Variants in DAB1 observed in about 807,000 individuals in gnomAD.
DAB1 encodes DAB adaptor protein 1, also known as disabled homolog 1.
In DAB1, 15 loss-of-function variants were observed where a neutral mutation model predicts 64.6. The observed-to-expected ratio is 0.23, with a 90% CI of 0.16 to 0.36. The LOEUF (loss-of-function observed/expected upper bound fraction) is 0.36, where lower values mean the gene tolerates loss of function less well. DAB1 is among the 10% of genes least tolerant of loss of function. The pLI is 1.00. For missense variants in DAB1, 596 were observed against 706.7 expected (o/e 0.84, Z 1.78); for synonymous variants, 235 against 251.9 (o/e 0.93, Z 0.64).
chr1:57,262,324 T>A (rs1670242821), intron 2 of DAB1, among the ~76,000 whole-genome samples: 1 of 152,326 alleles, frequency 6.6e-6, no homozygotes, highest in Admixed American at 6.5e-5. Flanking sequence ...TCAACTCCAA[T>A]CATTAGGCAA....
chr1:58,049,341 C>T (rs1313655352), intron 5 of DAB1: 19 of 629,678 alleles, frequency 3.0e-5, no homozygotes, highest in Middle Eastern at 4.6e-4. Context: ...GCGGCATCCA[C>T]GGGCAGAAAG....
chr1:57,709,681 G>A (rs964594747), intron 6 of DAB1, among the ~76,000 whole-genome samples: 1 of 152,156 alleles, frequency 6.6e-6, no homozygotes, highest in Non-Finnish European at 1.5e-5. Flanking sequence ...TTATAGATGA[G>A]CTTGAGGAGG....
intron 9 of DAB1, among the ~76,000 whole-genome samples, chr1:57,031,446 G>GTA (rs1646964203): frequency 6.6e-6 from 1 of 152,150 alleles, no homozygotes; most frequent in African/African-American, 2.4e-5. Flanking sequence ...ACACTTTATA[G>GTA]TTTGCAATAC....
chr1:57,410,780 A>C (rs1313162585), intron 1 of DAB1, among the ~76,000 whole-genome samples: 1 of 152,226 alleles, frequency 6.6e-6, no homozygotes. Flanking sequence ...CAGGTTAACC[A>C]AGTGGTTGTC....
At chr1:57,177,412 C>T (rs1662446894) in intron 2 of DAB1, among the ~76,000 whole-genome samples, 1 of 152,030 alleles carries the variant, frequency 6.6e-6, no homozygotes, top group South Asian at 2.1e-4. Flanking sequence ...TTTCCAGGCT[C>T]CAACCTGAGA....
chr1:57,426,874 A>ATATATATATATTTTTT (rs57970737), upstream of DAB1, among the ~76,000 whole-genome samples: 1 of 149,184 alleles, frequency 6.7e-6, no homozygotes, highest in African/African-American at 2.5e-5. Context: ...ATATATATAT[A>ATATATATATATTTTTT]TTTTTTTGAG....
chr1:57,837,235 C>T (rs181808986), intron 1 of DAB1, among the ~76,000 whole-genome samples: 172 of 152,314 alleles, frequency 1.1e-3, no homozygotes, highest in East Asian at 4.8e-3. Context: ...GTGACACTTT[C>T]CTATTCTTAA....
At chr1:57,129,020 G>A (rs1345605836) in intron 4 of DAB1, among the ~76,000 whole-genome samples, 2 of 152,170 alleles carry the variant, frequency 1.3e-5, no homozygotes, top group African/African-American at 4.8e-5. Context: ...CTAATGGGAG[G>A]AGTGGCTTCT....
intron 4 of DAB1, among the ~76,000 whole-genome samples, chr1:57,088,676 C>G (rs565988834): frequency 6.6e-4 from 100 of 152,294 alleles, no homozygotes; most frequent in African/African-American, 2.3e-3. Context: ...CTCACTATTT[C>G]CCCTCCCACT....
chr1:57,053,688 A>T (rs200898422), intron 9 of DAB1, among the ~76,000 whole-genome samples: 5,119 of 71,702 alleles, frequency 0.071, 206 homozygotes, highest in African/African-American at 0.084. Context: ...ATATATATAT[A>T]TTTTTTTTTT....
At chr1:57,534,293 A>G (rs1012951446) in intron 7 of DAB1, among the ~76,000 whole-genome samples, 8 of 152,158 alleles carry the variant, frequency 5.3e-5, no homozygotes, top group Non-Finnish European at 1.0e-4. Context: ...GAGAAAATCA[A>G]TACACACCAA....
rs34017384 is a variant in DAB1, at chr1:58,118,503, TACAC to T, written n.387+32004_387+32007del. Among the ~76,000 whole-genome samples, 149 of 53,078 alleles carry T rather than the reference TACAC, an allele frequency of 2.8e-3. 3 individuals carry two copies. Among genetic ancestry groups the T allele is most frequent in the South Asian group, 9.9e-3 (13 of 1,310 alleles). The allele number at this position is 53,078 out of a possible 152,430, so 34.8% of individuals were successfully genotyped here. A position where few individuals can be genotyped will look rare whatever the true frequency, so the allele number is the denominator to read the frequency against. On this transcript the variant is annotated intron_variant and non_coding_transcript_variant, in intron 5 of 20. Coordinates refer to the DAB1 transcript ENST00000485760. ...ATATATATATATATATATATATATA[TACAC>T]ACACACACACACACATATATATATA... is the stretch of plus-strand genomic sequence containing the variant.
At chr1:57,135,128 C>T (rs1282869570) in intron 4 of DAB1, among the ~76,000 whole-genome samples, 54 of 152,150 alleles carry the variant, frequency 3.5e-4, no homozygotes, top group Admixed American at 3.5e-3. Flanking sequence ...ACCATTTTAA[C>T]TATTTTTCAG....
At chr1:57,189,975 G>A (rs566954008) in intron 2 of DAB1, among the ~76,000 whole-genome samples, 14 of 152,252 alleles carry the variant, frequency 9.2e-5, no homozygotes, top group Admixed American at 7.9e-4. Context: ...ATGGGGCAGT[G>A]CTGGGCACCT....
At chr1:57,898,881 C>T (rs11582988) in intron 5 of DAB1, among the ~76,000 whole-genome samples, 37,971 of 152,036 alleles carry the variant, frequency 0.25, 5,495 homozygotes, top group Non-Finnish European at 0.32. Context: ...TGCGTGTATG[C>T]GCGTGCACAC....
intron 9 of DAB1, among the ~76,000 whole-genome samples, chr1:57,055,819 C>A (rs1031571878): frequency 2.6e-5 from 4 of 151,978 alleles, no homozygotes; most frequent in Non-Finnish European, 5.9e-5. Flanking sequence ...CCATCAATAT[C>A]TCAAAGAGAC....
intron 5 of DAB1, among the ~76,000 whole-genome samples, chr1:57,968,185 G>A (rs1645715384): frequency 6.6e-6 from 1 of 152,074 alleles, no homozygotes; most frequent in Admixed American, 6.6e-5. Context: ...AATGACTCTA[G>A]GGTCTCCTGT....
chr1:57,575,928 A>AC (rs1558508723), intron 7 of DAB1, among the ~76,000 whole-genome samples: 3 of 151,994 alleles, frequency 2.0e-5, no homozygotes, highest in Non-Finnish European at 2.9e-5. Context: ...AATTAGGTTC[A>AC]CCCCCCAAAA....
intron 3 of DAB1, among the ~76,000 whole-genome samples, chr1:58,436,535 G>C (rs1012648039): frequency 6.6e-6 from 1 of 152,180 alleles, no homozygotes; most frequent in Non-Finnish European, 1.5e-5. Flanking sequence ...CCATGCCATG[G>C]AGATGAAGTT....
Sources: gnomAD v4.1 joint callset for allele counts (sites outside exome capture counted in the v4.1 genomes callset) on GRCh38, gnomAD v4.1.1 for gene constraint, MANE v1.5 for transcripts, NCBI Gene and HGNC (gene_info 2026-07-23, HGNC 2026-07-21) for gene names.